FAM53A: variants seen among roughly 807,000 people sequenced by gnomAD.
The protein encoded by FAM53A is family with sequence similarity 53 member A, also known as protein FAM53A.
FAM53A carries 28 observed loss-of-function variants against 26.6 expected under a neutral mutation model. That is an observed-to-expected ratio of 1.05 (90% CI 0.78 to 1.45). FAM53A has a LOEUF of 1.45. FAM53A is among the 40% of genes most tolerant of loss of function. FAM53A has a pLI of 0.00. For synonymous variants in FAM53A, 290 were observed against 253.1 expected (o/e 1.15, Z -1.38); for missense variants, 650 against 575.8 (o/e 1.13, Z -1.32).
intron 4 of FAM53A, chr4:1,644,175 G>A: frequency 6.5e-7 from 1 of 1,534,712 alleles, no homozygotes; most frequent in Non-Finnish European, 8.7e-7. Context: ...CGGGGTGGCG[G>A]GGACGCTACG....
At chr4:1,621,425 C>A (rs1290646135) in intron 1 of FAM53A, among the ~76,000 whole-genome samples, 1 of 152,134 alleles carries the variant, frequency 6.6e-6, no homozygotes, top group Non-Finnish European at 1.5e-5. Context: ...TTTAAGGAGT[C>A]TTCCTGAAAG....
At chr4:1,679,937 T>C (rs1423132480) in intron 1 of FAM53A, among the ~76,000 whole-genome samples, 2 of 149,272 alleles carry the variant, frequency 1.3e-5, no homozygotes, top group Non-Finnish European at 3.0e-5. Flanking sequence ...TAAGCGCAGC[T>C]ACTCGGGAGG....
Position 1,640,023 on chromosome 4 carries a change from T to C in FAM53A, c.*1270A>G, listed in dbSNP as rs561121824. 6.6e-6 allele frequency: 1 copy of C among 152,364 alleles called. No individual in the cohort carries two copies. Among genetic ancestry groups the C allele is most frequent in the African/African-American group, 2.4e-5 (1 of 41,586 alleles). The allele number at this position is 152,364 out of a possible 1,614,324, so 9.4% of individuals were successfully genotyped here. ...GAGGCGCAGCCAGGCCCACTTCAGA[T>C]GGTGGAAACGAAAATTAATCAGAAG... On this transcript the variant is annotated 3_prime_UTR_variant, in exon 5 of 5. Coordinates refer to ENST00000308132, the MANE Select transcript of FAM53A (RefSeq NM_001174070.3).
intron 1 of FAM53A, among the ~76,000 whole-genome samples, chr4:1,621,304 C>G (rs1715024373): frequency 6.6e-6 from 1 of 152,034 alleles, no homozygotes; most frequent in Non-Finnish European, 1.5e-5. Flanking sequence ...CGGGGTTTCA[C>G]CATGTTAGCC....
At position 1,622,851 on chromosome 4, in the gene FAM53A, G is replaced by A. The variant is rs1239007123; in HGVS notation, c.432-4740C>T. 7.2e-5 allele frequency among the ~76,000 whole-genome samples: 11 copies of A among 152,212 alleles called. No individual in the cohort carries two copies. The South Asian group carries it at 1.2e-3, about 17-fold the overall frequency. ...GCCAGAAGCAACCACCCTCTGCCTC[G>A]AGGGGCCCCTGCCAGGGACAGGATA... On this transcript the variant is annotated intron_variant, in intron 1 of 1. Transcript: ENST00000489029.
the FAM53A span, among the ~76,000 whole-genome samples, chr4:1,599,597 C>T: frequency 4.6e-5 from 7 of 152,154 alleles, no homozygotes; most frequent in African/African-American, 1.4e-4. The surrounding 1 kb of genome is among the most constrained non-coding windows in gnomAD (Gnocchi z 6.1). Context: ...GCCCTCAGCC[C>T]GGGGGACCAG....
intron 1 of FAM53A, among the ~76,000 whole-genome samples, chr4:1,626,000 G>T (rs550888793): frequency 2.6e-5 from 4 of 152,204 alleles, no homozygotes; most frequent in Non-Finnish European, 5.9e-5. Context: ...CCTCTGCAGA[G>T]CCTTCCAGGA....
At chr4:1,645,327 G>A (rs997930658) in intron 4 of FAM53A, among the ~76,000 whole-genome samples, 8 of 152,256 alleles carry the variant, frequency 5.3e-5, no homozygotes, top group Admixed American at 5.2e-4. Context: ...GAAGCACCGG[G>A]ACCCTAGACC....
rs544929192 is a variant in FAM53A, at chr4:1,641,711, C to A, written c.883-104G>T. On this transcript the variant is annotated intron_variant, in intron 4 of 4. Transcript: ENST00000308132. Reference sequence around the variant, plus strand: ...CTCGGTGTGCTGGGGCTCTGGCCATCCCCAAGACCACACAAAGCAGGGGCC... The same window carrying A: ...CTCGGTGTGCTGGGGCTCTGGCCATACCCAAGACCACACAAAGCAGGGGCC... 19 of 1,164,026 alleles carry A rather than the reference C, an allele frequency of 1.6e-5. No individual in the cohort carries two copies. In the African/African-American group the frequency reaches 2.9e-4, roughly 18 times the overall value. The allele number at this position is 1,164,026 out of a possible 1,614,324, so 72.1% of individuals were successfully genotyped here.
chr4:1,672,872 C>T (rs1003610871), intron 1 of FAM53A, among the ~76,000 whole-genome samples: 9 of 143,304 alleles, frequency 6.3e-5, no homozygotes, highest in Non-Finnish European at 1.2e-4. Flanking sequence ...CGGGTTCAAG[C>T]GATTCTCCTG....
chr4:1,618,065 G>A (rs1050217053), exon 2 of FAM53A: 7 of 456,266 alleles, frequency 1.5e-5, no homozygotes, highest in East Asian at 1.4e-4. Context: ...ATGGAGGGCC[G>A]TGCTATGTCA....
At chr4:1,618,151 GGAA>G (rs1273462107) in intron 1 of FAM53A, 3 of 456,168 alleles carry the variant, frequency 6.6e-6, no homozygotes, top group Non-Finnish European at 1.3e-5. Context: ...TGCCTCTTGG[GGAA>G]GAAGTAGAAC....
chr4:1,581,441 T>C, the FAM53A span, among the ~76,000 whole-genome samples: 2 of 152,250 alleles, frequency 1.3e-5, no homozygotes, highest in Non-Finnish European at 2.9e-5. Flanking sequence ...TCCAATTTTC[T>C]CCAAATGTTC....
chr4:1,656,152 T>A (rs1032164662), intron 3 of FAM53A, among the ~76,000 whole-genome samples: 3 of 152,124 alleles, frequency 2.0e-5, no homozygotes, highest in Admixed American at 6.6e-5. Flanking sequence ...GGTCCCTTAG[T>A]AACATGGGCA....
the FAM53A span, among the ~76,000 whole-genome samples, chr4:1,595,812 C>T: frequency 6.6e-6 from 1 of 152,224 alleles, no homozygotes; most frequent in African/African-American, 2.4e-5. Flanking sequence ...GTAGGCCCAT[C>T]TGTGGTCTAC....
intron 2 of FAM53A, among the ~76,000 whole-genome samples, chr4:1,664,453 A>C (rs1714079493): frequency 6.6e-6 from 1 of 152,230 alleles, no homozygotes; most frequent in African/African-American, 2.4e-5. Context: ...AGAACTGTCT[A>C]CACTTATTTT....
At position 1,630,537 on chromosome 4, in the gene FAM53A, T is replaced by C. The variant is rs986522992; in HGVS notation, c.432-12426A>G. On this transcript the variant is annotated intron_variant, in intron 1 of 1. Transcript: ENST00000489029. This position sits in a 1 kb window ranked among gnomAD's most constrained non-coding sequence, Gnocchi z 4.3. ...CAGGCAAGAGCAGGGTCTACAAAAA[T>C]ACACGCCCCGGGCCCCGTTCAGCCA... 6.6e-6 allele frequency among the ~76,000 whole-genome samples: 1 copy of C among 151,750 alleles called. No homozygotes were observed. Among genetic ancestry groups the C allele is most frequent in the Non-Finnish European group, 1.5e-5 (1 of 67,932 alleles).
At chr4:1,609,898 G>A in the FAM53A span, among the ~76,000 whole-genome samples, 2 of 152,118 alleles carry the variant, frequency 1.3e-5, no homozygotes, top group African/African-American at 4.8e-5. Flanking sequence ...AGGAGGCAGA[G>A]GCTGCAGTGA....
At chr4:1,673,856 C>A (rs746222277) in intron 1 of FAM53A, among the ~76,000 whole-genome samples, 4 of 152,252 alleles carry the variant, frequency 2.6e-5, no homozygotes, top group African/African-American at 4.8e-5. Context: ...GCATGCAGCG[C>A]GGGAGGGACC....
Sources: gnomAD v4.1 joint callset for allele counts (sites outside exome capture counted in the v4.1 genomes callset) on GRCh38, gnomAD v4.1.1 for gene constraint, Gnocchi (gnomAD v3.1) non-coding constraint, MANE v1.5 for transcripts, NCBI Gene and HGNC (gene_info 2026-07-23, HGNC 2026-07-21) for gene names.